Variants in NAV1 observed in about 807,000 individuals in gnomAD.
The protein encoded by NAV1 is pore membrane and/or filament interacting like protein 3.
A neutral mutation model predicts 175.2 loss-of-function variants in NAV1; 18 were observed. The observed-to-expected ratio is 0.10, with a 90% CI of 0.07 to 0.15. The LOEUF is 0.15. Ranked by LOEUF, NAV1 falls within the 10% of genes least tolerant of loss-of-function variation. The pLI is 1.00. For synonymous variants in NAV1, 897 were observed against 978.7 expected, an observed-to-expected ratio of 0.92 and a Z score of 1.56; for missense variants, 1,731 against 2,436.6, an observed-to-expected ratio of 0.71 and a Z score of 6.10.
intron 1 of NAV1, among the ~76,000 whole-genome samples, chr1:201,573,123 G>C (rs561612532): frequency 1.3e-5 from 2 of 152,236 alleles, no homozygotes; most frequent in Non-Finnish European, 2.9e-5. Context: ...ATCAAGCTCA[G>C]ACTGAATTAT....
At chr1:201,722,515 G>C (rs535193435) in intron 3 of NAV1, among the ~76,000 whole-genome samples, 1 of 152,250 alleles carries the variant, frequency 6.6e-6, no homozygotes, top group South Asian at 2.1e-4. Flanking sequence ...TCTGTTCATG[G>C]GTTGTTACCA....
rs1172604210 is a variant in NAV1 at position 201,718,150 on chromosome 1, C to T, written c.861-240C>T. On this transcript the variant is annotated intron_variant, in intron 2 of 29. Transcript: ENST00000367296. The surrounding 1 kb of genome is among the most constrained non-coding windows in gnomAD (Gnocchi z 4.8). ...CATATTACACAATCTAGGGTCTTAA[C>T]AGTATACAGGATTTCTTCCCTAGCC... is the stretch of plus-strand genomic sequence containing the variant. Among the ~76,000 whole-genome samples the T allele has an allele frequency of 3.3e-5, 5 of 152,180 alleles. No homozygotes were observed. Among genetic ancestry groups the T allele is most frequent in the Non-Finnish European group, 5.9e-5 (4 of 68,024 alleles).
rs116291438 is a variant in NAV1 at position 201,706,142 on chromosome 1, C to T, written c.758-6675C>T. Among the ~76,000 whole-genome samples the T allele has an allele frequency of 5.1e-3, 774 of 152,254 alleles. 9 individuals carry two copies. Among genetic ancestry groups the T allele is most frequent in the African/African-American group, 0.017 (711 of 41,536 alleles). On this transcript the variant is annotated intron_variant, in intron 1 of 29. Coordinates refer to ENST00000367296, the Ensembl canonical transcript of NAV1. ...AGCACCAGACGATCATCAACAAATG[C>T]TGGTTGTGAGATGTGCAGATAAACT... is the stretch of plus-strand genomic sequence containing the variant.
intron 3 of NAV1, among the ~76,000 whole-genome samples, chr1:201,729,099 C>T (rs1173084187): frequency 6.6e-6 from 1 of 152,190 alleles, no homozygotes; most frequent in Non-Finnish European, 1.5e-5. Flanking sequence ...CACCTGTCTA[C>T]CTGTCCACTG....
intron 1 of NAV1, among the ~76,000 whole-genome samples, chr1:201,691,065 A>G (rs1670912889): frequency 6.6e-6 from 1 of 152,210 alleles, no homozygotes; most frequent in South Asian, 2.1e-4. Flanking sequence ...CACAACAGAA[A>G]GGAGGTGGTG....
intron 2 of NAV1, among the ~76,000 whole-genome samples, chr1:201,636,542 G>A (rs1326745048): frequency 1.3e-5 from 2 of 152,192 alleles, no homozygotes; most frequent in Non-Finnish European, 2.9e-5. Context: ...CCAGGCTTCA[G>A]AGGGAGCTGA....
upstream of NAV1, among the ~76,000 whole-genome samples, chr1:201,620,890 T>C (rs1668149634): frequency 1.3e-5 from 2 of 152,130 alleles, no homozygotes; most frequent in African/African-American, 4.8e-5. Flanking sequence ...AAGTCTTTGG[T>C]TTTTGTTTTG....
At chr1:201,741,897 A>G (rs1339710738) in intron 3 of NAV1, among the ~76,000 whole-genome samples, 2 of 152,136 alleles carry the variant, frequency 1.3e-5, no homozygotes, top group Non-Finnish European at 2.9e-5. Flanking sequence ...CTAGCTCATT[A>G]CCAGAAACAG....
chr1:201,593,577 C>G (rs148456844), intron 2 of NAV1, among the ~76,000 whole-genome samples: 1 of 152,162 alleles, frequency 6.6e-6, no homozygotes, highest in Admixed American at 6.5e-5. Flanking sequence ...TCTCTTTTGG[C>G]GCATTCTCTT....
intron 1 of NAV1, among the ~76,000 whole-genome samples, chr1:201,649,656 G>C (rs1669110865): frequency 6.6e-6 from 1 of 152,150 alleles, no homozygotes; most frequent in Non-Finnish European, 1.5e-5. Flanking sequence ...ACCCGGGCTC[G>C]ACTCTGGCCT....
intron 17 of NAV1, among the ~76,000 whole-genome samples, chr1:201,806,276 C>T (rs575019198): frequency 6.6e-6 from 1 of 152,228 alleles, no homozygotes; most frequent in South Asian, 2.1e-4. Context: ...TGAGCCACTG[C>T]GCCCAGCCTA....
rs770605745 is a variant in NAV1, at chr1:201,629,819, G to A, written c.4+312G>A. Among the ~76,000 whole-genome samples, 101 of 152,164 alleles carry A rather than the reference G, an allele frequency of 6.6e-4. 3 individuals are homozygous for A. The highest frequency in any genetic ancestry group is 1.5e-4 in the Non-Finnish European group (10 of 68,040). The stretch of plus-strand genomic sequence containing the variant: ...AAGCTGGGAGTGAGAGCCAGGTTCT[G>A]AGTGGTGCCCAGGTTGAAAAATGAA... On this transcript the variant is annotated intron_variant, in intron 2 of 29. Coordinates refer to the NAV1 transcript ENST00000367302.
chr1:201,590,976 A>G (rs608280), intron 2 of NAV1, among the ~76,000 whole-genome samples: 7,896 of 152,218 alleles, frequency 0.052, 479 homozygotes, highest in East Asian at 0.16. Context: ...ATCGTTCAGC[A>G]TACTTAGCAC....
chr1:201,662,622 G>A (rs1275935634), intron 1 of NAV1, among the ~76,000 whole-genome samples: 1 of 152,178 alleles, frequency 6.6e-6, no homozygotes. Flanking sequence ...ACCCACAGCA[G>A]GGGGGGTAAT....
At chr1:201,562,171 ATTTTTT>A (rs566214709) in intron 1 of NAV1, among the ~76,000 whole-genome samples, 1 of 127,272 alleles carries the variant, frequency 7.9e-6, no homozygotes, top group African/African-American at 3.2e-5. Context: ...TGCCTGGCTA[ATTTTTT>A]TTTTTTTTTT....
intron 2 of NAV1, among the ~76,000 whole-genome samples, chr1:201,715,923 C>T (rs1672122615): frequency 6.6e-6 from 1 of 152,186 alleles, no homozygotes; most frequent in Non-Finnish European, 1.5e-5. Flanking sequence ...AGGGTGGGTG[C>T]AGGGCTGGAA....
chr1:201,706,254 GGTGT>G (rs71138350), intron 1 of NAV1, among the ~76,000 whole-genome samples: 2,621 of 148,844 alleles, frequency 0.018, 78 homozygotes, highest in African/African-American at 0.061. Flanking sequence ...ATTAAGAAGG[GGTGT>G]GTGTGTGTGT....
At chr1:201,656,595 G>A (rs570937013) in intron 1 of NAV1, among the ~76,000 whole-genome samples, 1 of 152,308 alleles carries the variant, frequency 6.6e-6, no homozygotes, top group East Asian at 1.9e-4. Flanking sequence ...TAGGTTGTAT[G>A]GCACATGGCA....
At chr1:201,629,054 C>T (rs187143239) in intron 1 of NAV1, among the ~76,000 whole-genome samples, 17 of 152,332 alleles carry the variant, frequency 1.1e-4, no homozygotes, top group Admixed American at 3.9e-4. Context: ...GGCAAGGATC[C>T]TGGCAAGACA....
Sources: allele counts gnomAD v4.1 joint callset (sites outside exome capture counted in the v4.1 genomes callset), GRCh38; gene constraint gnomAD v4.1.1; non-coding constraint Gnocchi (gnomAD v3.1); transcripts MANE v1.5; gene names NCBI Gene and HGNC (gene_info 2026-07-23, HGNC 2026-07-21).